Variants in KYAT3 observed in about 807,000 individuals in gnomAD.
KYAT3 encodes the protein kynurenine--oxoglutarate transaminase 3.
KYAT3 carries 50 observed loss-of-function variants against 59.0 expected under a neutral mutation model. The observed-to-expected ratio is 0.85, with a 90% CI of 0.68 to 1.07. The LOEUF (loss-of-function observed/expected upper bound fraction) is 1.07, where lower values mean the gene tolerates loss of function less well. Among genes scored for constraint, KYAT3 ranks in the 50% least tolerant of loss-of-function variants. The pLI is 0.00. For missense variants in KYAT3, 497 were observed against 533.3 expected, an observed-to-expected ratio of 0.93 and a Z score of 0.67; for synonymous variants, 148 against 177.0, an observed-to-expected ratio of 0.84 and a Z score of 1.30.
At chr1:88,938,166 C>A (rs1293508248) in intron 13 of KYAT3, among the ~76,000 whole-genome samples, 1 of 152,098 alleles carries the variant, frequency 6.6e-6, no homozygotes, top group Non-Finnish European at 1.5e-5. Context: ...TGACAACTTA[C>A]TCTGAAATAG....
chr1:88,924,147 T>C, the KYAT3 span, among the ~76,000 whole-genome samples: 1 of 152,204 alleles, frequency 6.6e-6, no homozygotes, highest in East Asian at 1.9e-4. Flanking sequence ...GACCTGGTGT[T>C]GGAGCCAGTC....
intron 2 of KYAT3, among the ~76,000 whole-genome samples, chr1:88,984,296 C>A (rs565865707): frequency 7.0e-6 from 1 of 143,234 alleles, no homozygotes; most frequent in South Asian, 2.3e-4. Context: ...CTCACTGCAA[C>A]CTCTGCCTCC....
At position 88,953,111 on chromosome 1, in the gene KYAT3, T is replaced by C. The variant is rs368642853; in HGVS notation, c.906A>G (p.Leu302=). 6.5e-5 allele frequency: 105 copies of C among 1,613,570 alleles called. No homozygotes were observed. Among genetic ancestry groups the C allele is most frequent in the Non-Finnish European group, 8.6e-5 (102 of 1,179,606 alleles). Reference sequence around the variant, plus strand: ...AAATCGTGTTTTGTTGAACTGTCTGTAAATGTTTTATCAAATGATTTGGAC... The same window carrying C: ...AAATCGTGTTTTGTTGAACTGTCTGCAAATGTTTTATCAAATGATTTGGAC... ...SIGPNHLIKH[L]QTVQQNTIYT... Residue 302 remains leucine, a synonymous_variant, in exon 10 of 14, where the codon TTA becomes TTG. Coordinates refer to ENST00000260508, the MANE Select transcript of KYAT3 (RefSeq NM_001008661.3).
chr1:88,992,801 G>T (rs896623162), upstream of KYAT3: 2 of 151,622 alleles, frequency 1.3e-5, no homozygotes, highest in African/African-American at 2.4e-5. Context: ...GGCGGGATTT[G>T]GGCAGTTCCG....
At chr1:88,961,529 T>C (rs751159288) in intron 6 of KYAT3, 23 bp from the exon 7 acceptor site, 38 of 1,592,564 alleles carry the variant, frequency 2.4e-5, no homozygotes, top group Admixed American at 2.1e-4. Context: ...AATGAAGATA[T>C]AATTTAATTC....
intron 8 of KYAT3, among the ~76,000 whole-genome samples, chr1:88,958,629 G>C (rs778930352): frequency 5.9e-5 from 9 of 152,178 alleles, no homozygotes; most frequent in Non-Finnish European, 1.0e-4. Flanking sequence ...CTCCAATAGT[G>C]AAACAGATGA....
Position 88,949,288 on chromosome 1 carries a change from A to G in KYAT3, c.955-11T>C. ...TTGAGCCAAGGCTTCCTGTTTGTTA[A>G]GAATCAAAAAATATGAAAAGGCATA... On this transcript the variant is annotated splice_polypyrimidine_tract_variant and intron_variant, in intron 10 of 13. Coordinates refer to ENST00000260508, the MANE Select transcript of KYAT3 (RefSeq NM_001008661.3). 1 of 1,523,264 alleles carries G rather than the reference A, an allele frequency of 6.6e-7. No individual in the cohort carries two copies. Among genetic ancestry groups the G allele is most frequent in the Non-Finnish European group, 8.8e-7 (1 of 1,141,320 alleles). 94.4% of individuals were successfully genotyped at this position (1,523,264 alleles called of 1,614,324 possible).
At position 88,959,513 on chromosome 1, in the gene KYAT3, C is replaced by T. The variant is rs186529285; in HGVS notation, c.787+1654G>A. ...GTTGGAATCCAGGAGGCAGAGGTTG[C>T]AATGAGCTGAGATCGCACCACTGCA... On this transcript the variant is annotated intron_variant, in intron 8 of 13. Coordinates refer to ENST00000260508, the MANE Select transcript of KYAT3 (RefSeq NM_001008661.3). Among the ~76,000 whole-genome samples the T allele has an allele frequency of 2.7e-3, 367 of 134,640 alleles. 2 individuals are homozygous for T. The highest frequency in any genetic ancestry group is 9.9e-3 in the African/African-American group (350 of 35,206). The allele number at this position is 134,640 out of a possible 152,430, so 88.3% of individuals were successfully genotyped here.
chr1:88,942,445 T>C (rs1045416615), intron 13 of KYAT3, among the ~76,000 whole-genome samples: 5 of 152,216 alleles, frequency 3.3e-5, no homozygotes, highest in Non-Finnish European at 7.3e-5. Context: ...TCATATTTTC[T>C]TGTGTTTTCT....
intron 4 of KYAT3, among the ~76,000 whole-genome samples, chr1:88,965,738 C>T (rs192908310): frequency 2.4e-4 from 37 of 152,082 alleles, no homozygotes; most frequent in Non-Finnish European, 5.1e-4. Context: ...GTTTTCTGTC[C>T]AGCATCTACC....
chr1:88,959,598 A>T (rs1676066389), intron 8 of KYAT3, among the ~76,000 whole-genome samples: 1 of 151,324 alleles, frequency 6.6e-6, no homozygotes, highest in Non-Finnish European at 1.5e-5. Context: ...AAAAAATTAA[A>T]TAACTTATTT....
chr1:88,943,519 T>A, intron 11 of KYAT3, 96 bp from the exon 12 acceptor site: 1 of 713,002 alleles, frequency 1.4e-6, no homozygotes, highest in Non-Finnish European at 2.4e-6. Context: ...TTCTCCTATT[T>A]AAATTAGCTT....
chr1:88,971,106 C>T (rs1676539575), intron 2 of KYAT3, among the ~76,000 whole-genome samples: 2 of 152,184 alleles, frequency 1.3e-5, no homozygotes, highest in South Asian at 4.1e-4. Context: ...AACAAATGCT[C>T]TTGTCTATCT....
chr1:88,989,384 T>G (rs75708846), intron 1 of KYAT3, among the ~76,000 whole-genome samples: 1 of 152,236 alleles, frequency 6.6e-6, no homozygotes, highest in African/African-American at 2.4e-5. Context: ...AAAAAAAGTT[T>G]CTATCTGTAG....
At chr1:88,925,288 T>G in the KYAT3 span, among the ~76,000 whole-genome samples, 1 of 152,218 alleles carries the variant, frequency 6.6e-6, no homozygotes, top group Non-Finnish European at 1.5e-5. Flanking sequence ...CAGTCGCCCA[T>G]GCGTGTGCCC....
chr1:88,963,560 A>T (rs1281217562), intron 5 of KYAT3, among the ~76,000 whole-genome samples: 6 of 152,226 alleles, frequency 3.9e-5, no homozygotes, highest in South Asian at 2.1e-4. Context: ...CTGCAGTCCC[A>T]GCTTAAGCAA....
chr1:88,953,237 T>A (rs750512916), intron 9 of KYAT3, 85 bp from the exon 10 acceptor site: 1 of 865,126 alleles, frequency 1.2e-6, no homozygotes, highest in East Asian at 2.6e-5. Context: ...AGTGCAATTG[T>A]TAAATATATA....
At chr1:88,953,231 C>T in intron 9 of KYAT3, 79 bp from the exon 10 acceptor site, 1 of 923,248 alleles carries the variant, frequency 1.1e-6, no homozygotes. Flanking sequence ...AAACTTAGTG[C>T]AATTGTTAAA....
At chr1:88,932,481 C>A (rs1188068985), downstream of KYAT3, among the ~76,000 whole-genome samples, 1 of 152,044 alleles carries the variant, frequency 6.6e-6, no homozygotes, top group East Asian at 1.9e-4. Flanking sequence ...ATATACAATG[C>A]CGCAACAGAC....
Sources: allele counts gnomAD v4.1 joint callset (sites outside exome capture counted in the v4.1 genomes callset), GRCh38; gene constraint gnomAD v4.1.1; transcripts MANE v1.5; gene names NCBI Gene and HGNC (gene_info 2026-07-23, HGNC 2026-07-21).